GRIP1: variants seen among roughly 807,000 people sequenced by gnomAD.
GRIP1 encodes glutamate receptor-interacting protein 1.
GRIP1 carries 45 observed loss-of-function variants against 129.9 expected under a neutral mutation model. The ratio of observed to expected loss-of-function variants is 0.35; its 90% CI spans 0.27 to 0.44. GRIP1 has a LOEUF of 0.44. Ranked by LOEUF, GRIP1 falls within the 20% of genes least tolerant of loss-of-function variation. GRIP1 has a pLI of 1.00. For missense variants in GRIP1, 1,196 were observed against 1,396.8 expected (o/e 0.86, Z 2.29); for synonymous variants, 530 against 520.8 (o/e 1.02, Z -0.24).
chr12:66,557,034 T>G (rs1421755973), intron 2 of GRIP1, among the ~76,000 whole-genome samples: 1 of 150,910 alleles, frequency 6.6e-6, no homozygotes, highest in Non-Finnish European at 1.5e-5. Flanking sequence ...AGACACAGAG[T>G]GGCTGAATGG....
upstream of GRIP1, among the ~76,000 whole-genome samples, chr12:66,808,249 A>G (rs1314966027): frequency 6.6e-6 from 1 of 151,974 alleles, no homozygotes; most frequent in East Asian, 1.9e-4. Flanking sequence ...TCCCACAAAT[A>G]CATTTTGTTT....
chr12:66,517,011 C>T (rs1440786307), intron 6 of GRIP1, among the ~76,000 whole-genome samples: 1 of 152,098 alleles, frequency 6.6e-6, no homozygotes, highest in African/African-American at 2.4e-5. Flanking sequence ...GTCCACCAAG[C>T]CCTCAGAACA....
chr12:66,930,524 G>A (rs2041377119), intron 1 of GRIP1, among the ~76,000 whole-genome samples: 1 of 151,442 alleles, frequency 6.6e-6, no homozygotes. Context: ...CATTTGGGTT[G>A]GTTCCAAGTC....
intron 1 of GRIP1, among the ~76,000 whole-genome samples, chr12:67,051,164 G>A (rs906461121): frequency 6.6e-6 from 1 of 152,050 alleles, no homozygotes; most frequent in Non-Finnish European, 1.5e-5. Context: ...CAGGAACATA[G>A]GCAGAGCCTG....
At chr12:66,449,364 AAGTCATTCTTCAGGGCCCAGGTAATTGC>A (rs1190769870) in intron 11 of GRIP1, among the ~76,000 whole-genome samples, 3 of 152,204 alleles carry the variant, frequency 2.0e-5, no homozygotes, top group Non-Finnish European at 4.4e-5. Context: ...AAGGAACTAC[AAGTCATTCTTCAGGGCCCAGGTAATTGC>A]AGCTGATGGG....
intron 5 of GRIP1, among the ~76,000 whole-genome samples, chr12:66,527,119 G>A (rs1158817843): frequency 3.4e-5 from 5 of 147,206 alleles, no homozygotes; most frequent in African/African-American, 5.1e-5. Context: ...TCAGTGTGGC[G>A]ATTCCTCAGG....
intron 1 of GRIP1, among the ~76,000 whole-genome samples, chr12:67,018,966 G>C (rs1369664256): frequency 6.6e-6 from 1 of 151,880 alleles, no homozygotes; most frequent in East Asian, 1.9e-4. Flanking sequence ...ACCACACTCA[G>C]GGATACAGTT....
intron 1 of GRIP1, among the ~76,000 whole-genome samples, chr12:67,001,848 CCTTT>C (rs2042555119): frequency 6.6e-6 from 1 of 152,098 alleles, no homozygotes; most frequent in South Asian, 2.1e-4. Flanking sequence ...CTCGGTTCCT[CCTTT>C]CTATCTGCAG....
intron 1 of GRIP1, among the ~76,000 whole-genome samples, chr12:66,674,722 T>G (rs1456233847): frequency 6.6e-6 from 1 of 152,160 alleles, no homozygotes; most frequent in African/African-American, 2.4e-5. Context: ...ATTCCATGAT[T>G]GGGGTAAGTG....
At chr12:66,934,292 G>A (rs962415) in intron 1 of GRIP1, among the ~76,000 whole-genome samples, 69,701 of 151,968 alleles carry the variant, frequency 0.46, 17,373 homozygotes, top group East Asian at 0.69. Context: ...GCCCTTGCCC[G>A]GAAAAACATC....
chr12:66,668,764 C>G (rs1289624872), intron 1 of GRIP1, among the ~76,000 whole-genome samples: 1 of 140,960 alleles, frequency 7.1e-6, no homozygotes, highest in Non-Finnish European at 1.6e-5. Context: ...GACCTCATCA[C>G]TATCAAAAAG....
chr12:66,854,746 C>T (rs1490947785), intron 1 of GRIP1, among the ~76,000 whole-genome samples: 1 of 152,056 alleles, frequency 6.6e-6, no homozygotes, highest in East Asian at 1.9e-4. Context: ...CAAAATGAAA[C>T]GTAAACAACC....
intron 2 of GRIP1, among the ~76,000 whole-genome samples, chr12:66,556,959 C>T (rs1278236746): frequency 2.0e-5 from 3 of 151,724 alleles, no homozygotes; most frequent in Admixed American, 2.0e-4. Flanking sequence ...AACAAAATGG[C>T]AGGAGTAAAT....
chr12:66,845,514 G>A (rs1339823704), intron 1 of GRIP1, among the ~76,000 whole-genome samples: 1 of 152,010 alleles, frequency 6.6e-6, no homozygotes, highest in Non-Finnish European at 1.5e-5. Flanking sequence ...CATGCTTTCT[G>A]GTATTAATTT....
intron 1 of GRIP1, among the ~76,000 whole-genome samples, chr12:66,636,877 C>T (rs1309145449): frequency 1.3e-5 from 2 of 152,142 alleles, no homozygotes; most frequent in African/African-American, 2.4e-5. Context: ...GACTTTCCAG[C>T]CTCCAGAACT....
intron 1 of GRIP1, among the ~76,000 whole-genome samples, chr12:66,802,686 A>G (rs1445739902): frequency 6.6e-6 from 1 of 152,184 alleles, no homozygotes; most frequent in Non-Finnish European, 1.5e-5. Flanking sequence ...TTGACTGCAA[A>G]AAATCTGTAC....
chr12:66,542,136 T>C (rs756081140), intron 2 of GRIP1, among the ~76,000 whole-genome samples, 186 bp from the exon 3 acceptor site: 16 of 152,182 alleles, frequency 1.1e-4, no homozygotes, highest in Non-Finnish European at 2.1e-4. Context: ...GATATTCTAT[T>C]AGAGGTTATG....
chr12:66,949,143 A>C (rs888407669), intron 1 of GRIP1, among the ~76,000 whole-genome samples: 1 of 152,230 alleles, frequency 6.6e-6, no homozygotes, highest in Non-Finnish European at 1.5e-5. Flanking sequence ...AATTTTGTTG[A>C]GAATGTTTTG....
At chr12:66,690,496 G>A (rs1015042325) in intron 1 of GRIP1, among the ~76,000 whole-genome samples, 1 of 151,758 alleles carries the variant, frequency 6.6e-6, no homozygotes, top group African/African-American at 2.4e-5. Flanking sequence ...GGGTACAGGT[G>A]TCTTTTCAAG....
Sources: allele counts gnomAD v4.1 joint callset (sites outside exome capture counted in the v4.1 genomes callset), GRCh38; gene constraint gnomAD v4.1.1; transcripts MANE v1.5; gene names NCBI Gene and HGNC (gene_info 2026-07-23, HGNC 2026-07-21).